RECK: variants seen among roughly 807,000 people sequenced by gnomAD.
RECK encodes reversion inducing cysteine rich protein with kazal motifs, also known as reversion-inducing cysteine-rich protein with Kazal motifs.
In RECK, 69 loss-of-function variants were observed where a neutral mutation model predicts 115.1. That is an observed-to-expected ratio of 0.60 (90% CI 0.49 to 0.73). The LOEUF is 0.73. Among genes scored for constraint, RECK ranks in the 30% least tolerant of loss-of-function variants. The pLI, the probability that RECK is intolerant of heterozygous loss-of-function variation, is 0.00. For synonymous variants in RECK, 414 were observed against 419.7 expected (o/e 0.99, Z 0.17); for missense variants, 1,047 against 1,203.7 (o/e 0.87, Z 1.93).
intron 3 of RECK, 52 bp downstream of exon 3, chr9:36,058,953 C>A: frequency 1.6e-6 from 2 of 1,221,142 alleles, no homozygotes; most frequent in Non-Finnish European, 2.2e-6. Flanking sequence ...ATGAAACTAT[C>A]CAATGAATTA....
intron 6 of RECK, among the ~76,000 whole-genome samples, chr9:36,069,548 T>C (rs1042267202): frequency 1.3e-5 from 2 of 149,136 alleles, no homozygotes; most frequent in African/African-American, 4.9e-5. Context: ...TCCAGAACAG[T>C]ATAATTGAAA....
chr9:36,045,275 T>A (rs1821027865), intron 1 of RECK, among the ~76,000 whole-genome samples: 1 of 152,234 alleles, frequency 6.6e-6, no homozygotes, highest in Non-Finnish European at 1.5e-5. Context: ...ATTTCATGAA[T>A]GTATTTATAA....
intron 6 of RECK, among the ~76,000 whole-genome samples, chr9:36,069,769 A>G (rs917285763): frequency 6.6e-6 from 1 of 152,116 alleles, no homozygotes; most frequent in African/African-American, 2.4e-5. Context: ...CAGTGTTTAA[A>G]GAAGCCCTAC....
chr9:36,076,761 C>G (rs1822467805), intron 6 of RECK, among the ~76,000 whole-genome samples: 1 of 152,046 alleles, frequency 6.6e-6, no homozygotes, highest in African/African-American at 2.4e-5. Flanking sequence ...TAATATTAAC[C>G]TCAAGAAAAT....
chr9:36,041,544 T>A (rs960911399), intron 1 of RECK, among the ~76,000 whole-genome samples: 1 of 152,136 alleles, frequency 6.6e-6, no homozygotes, highest in African/African-American at 2.4e-5. Flanking sequence ...TAAGTCAGGA[T>A]TAGGGGGCTG....
intron 6 of RECK, among the ~76,000 whole-genome samples, chr9:36,069,672 A>G (rs1017148571): frequency 1.3e-5 from 2 of 152,152 alleles, no homozygotes; most frequent in Non-Finnish European, 2.9e-5. Context: ...ATGGGGCTGA[A>G]AAATAGTTTA....
Position 36,109,968 on chromosome 9 carries a change from T to A in RECK, c.1777T>A (p.Ser593Thr). Residue 593 changes from serine to threonine, a missense_variant, in exon 15 of 21, where the codon TCC (serine) becomes ACC (threonine). Transcript: ENST00000377966. ...TCTGTTTCTGTCAGGTCATGGAACA[T>A]CCTTTAGTATTGACTGCAATGTCTG... ...VGGKRKSHGT[S>T]FSIDCNVCSC... 1 of 1,612,354 alleles carries A rather than the reference T, an allele frequency of 6.2e-7. No individual in the cohort carries two copies.
chr9:36,090,381 A>C (rs1823114961), intron 9 of RECK, among the ~76,000 whole-genome samples: 1 of 152,200 alleles, frequency 6.6e-6, no homozygotes, highest in African/African-American at 2.4e-5. Flanking sequence ...GAATGAACAA[A>C]TGTAAAAGTA....
intron 7 of RECK, among the ~76,000 whole-genome samples, chr9:36,083,034 G>A (rs540318898): frequency 2.0e-5 from 3 of 152,296 alleles, no homozygotes; most frequent in Non-Finnish European, 2.9e-5. Context: ...GTCTGAGACT[G>A]TCCTATGCAT....
intron 6 of RECK, among the ~76,000 whole-genome samples, chr9:36,076,314 C>A (rs1822451655): frequency 6.6e-6 from 1 of 152,184 alleles, no homozygotes; most frequent in South Asian, 2.1e-4. Flanking sequence ...AAAAGGGTCA[C>A]TGAAGTGGCA....
chr9:36,066,412 G>A (rs1216707667), intron 6 of RECK, among the ~76,000 whole-genome samples: 1 of 152,062 alleles, frequency 6.6e-6, no homozygotes, highest in East Asian at 1.9e-4. Flanking sequence ...TCCTATTGCT[G>A]TGTTTTCTTG....
chr9:36,106,280 G>C (rs1419198119), intron 13 of RECK, among the ~76,000 whole-genome samples: 1 of 151,088 alleles, frequency 6.6e-6, no homozygotes, highest in Non-Finnish European at 1.5e-5. Context: ...TGTTACCCAG[G>C]CTAGAGTGTA....
intron 9 of RECK, among the ~76,000 whole-genome samples, chr9:36,090,520 GA>G (rs1469064242): frequency 2.0e-5 from 3 of 152,098 alleles, no homozygotes; most frequent in African/African-American, 7.2e-5. Context: ...TAAATAAAAT[GA>G]ATATCATGTG....
Position 36,100,447 on chromosome 9 carries a change from A to T in RECK, c.1202A>T (p.Asp401Val), listed in dbSNP as rs780519743. 6.2e-7 allele frequency: 1 copy of T among 1,614,110 alleles called. No homozygotes were observed. Among genetic ancestry groups the T allele is most frequent in the South Asian group, 1.1e-5 (1 of 91,088 alleles). Residue 401 changes from aspartate (D) to valine (V), a missense_variant, in exon 11 of 21, where the codon GAT (aspartate) becomes GTT (valine). Coordinates refer to ENST00000377966, the MANE Select transcript of RECK (RefSeq NM_021111.3). Reference protein sequence around the residue: ...KMPFINIPVLDIKKCQPEMWK... With the variant: ...KMPFINIPVLVIKKCQPEMWK... ...CCATTTATCAATATACCTGTTCTTG[A>T]TATTAAAAAGTGCCAGCCAGAGATG...
At position 36,117,136 on chromosome 9, in the gene RECK, T is replaced by C. The variant is rs1824298752; in HGVS notation, c.2212T>C (p.Tyr738His). The change falls in exon 17 of 21, where the codon TAC becomes CAC. Residue 738 changes from tyrosine (Y) to histidine (H), a missense_variant. Physicochemically the swap from Tyr to His is moderately conservative, Grantham distance 83. Coordinates refer to ENST00000377966, the MANE Select transcript of RECK (RefSeq NM_021111.3). The part of the protein sequence containing the change: ...HMEHNNLCTL[Y>H]QRGKSLSYKG... The stretch of plus-strand genomic sequence containing the variant: ...GGAGCACAACAATCTCTGCACTTTA[T>C]ACCAAAGAGGAAAAAGCCTCTCTTA... 6.2e-7 allele frequency: 1 copy of C among 1,613,566 alleles called. No individual in the cohort carries two copies. Among genetic ancestry groups the C allele is most frequent in the Non-Finnish European group, 8.5e-7 (1 of 1,179,676 alleles).
chr9:36,112,577 C>T (rs897457758), intron 16 of RECK, 101 bp downstream of exon 16: 12 of 1,237,598 alleles, frequency 9.7e-6, no homozygotes, highest in Middle Eastern at 5.4e-4. Flanking sequence ...ATTAAGAAAT[C>T]GCTGCTGCCC....
chr9:36,095,764 C>A (rs1823309684), intron 10 of RECK, among the ~76,000 whole-genome samples: 1 of 151,292 alleles, frequency 6.6e-6, no homozygotes, highest in Non-Finnish European at 1.5e-5. Context: ...TGGTGAAACA[C>A]CATCAATCAA....
intron 20 of RECK, among the ~76,000 whole-genome samples, chr9:36,121,930 G>A (rs1029454674): frequency 1.3e-5 from 2 of 152,176 alleles, no homozygotes; most frequent in African/African-American, 4.8e-5. Context: ...GGCAGGGGAG[G>A]GATTAAGATA....
In RECK at chr9:36,123,976, T is replaced by A. The variant is rs1330379447; in HGVS notation, c.*931T>A. 6.5e-6 allele frequency: 1 copy of A among 152,690 alleles called. No individual in the cohort carries two copies. The highest frequency in any genetic ancestry group is 2.1e-4 in the South Asian group (1 of 4,836). 9.5% of individuals were successfully genotyped at this position (152,690 alleles called of 1,614,324 possible). ...CCATATTTGTAAAATGACAATCATGTGTGTTAACCCAGTGCTTTCCATTCG... is the reference window on the plus strand; with the variant it reads ...CCATATTTGTAAAATGACAATCATGAGTGTTAACCCAGTGCTTTCCATTCG... On this transcript the variant is annotated 3_prime_UTR_variant, in exon 21 of 21. Transcript: ENST00000377966.
Sources: allele counts gnomAD v4.1 joint callset (sites outside exome capture counted in the v4.1 genomes callset), GRCh38; gene constraint gnomAD v4.1.1; transcripts MANE v1.5; gene names NCBI Gene and HGNC (gene_info 2026-07-23, HGNC 2026-07-21).